DCAF6: variants seen among roughly 807,000 people sequenced by gnomAD.
DCAF6 encodes DDB1 and CUL4 associated factor 6, also known as DDB1- and CUL4-associated factor 6.
In DCAF6, 54 loss-of-function variants were observed where a neutral mutation model predicts 125.1. The observed-to-expected ratio is 0.43, with a 90% confidence interval of 0.35 to 0.54. The LOEUF (loss-of-function observed/expected upper bound fraction) is 0.54, where lower values mean the gene tolerates loss of function less well. DCAF6 is among the 20% of genes least tolerant of loss of function. DCAF6 has a pLI of 0.01. For missense variants in DCAF6, 934 were observed against 1,161.7 expected (o/e 0.80, Z 2.85); for synonymous variants, 371 against 390.4 (o/e 0.95, Z 0.58).
At chr1:167,878,311 G>C in the DCAF6 span, 17 of 936,088 alleles carry the variant, frequency 1.8e-5, no homozygotes, top group South Asian at 2.1e-4. Context: ...TTTGAAGTCT[G>C]GGCCTTGGTC....
At chr1:167,875,077 G>A in the DCAF6 span, 1 of 1,362,812 alleles carries the variant, frequency 7.3e-7, no homozygotes, top group East Asian at 2.3e-5. Context: ...GTACTTTTCT[G>A]CATGTTTTGT....
At chr1:167,953,824 C>T (rs959424658) in intron 2 of DCAF6, among the ~76,000 whole-genome samples, 1 of 152,172 alleles carries the variant, frequency 6.6e-6, no homozygotes, top group Non-Finnish European at 1.5e-5. Flanking sequence ...GTCTTGAACT[C>T]CTGGCCTCAG....
the DCAF6 span, chr1:167,901,616 A>C: frequency 6.3e-7 from 1 of 1,591,300 alleles, no homozygotes; most frequent in Non-Finnish European, 8.6e-7. Flanking sequence ...AGGAGTCAAG[A>C]CCCTATCCCA....
At chr1:167,993,037 A>T (rs1022884271) in intron 6 of DCAF6, among the ~76,000 whole-genome samples, 189 bp from the exon 7 acceptor site, 5 of 152,188 alleles carry the variant, frequency 3.3e-5, no homozygotes, top group Non-Finnish European at 7.4e-5. Context: ...TGTTACCTTT[A>T]TACCATATTC....
the DCAF6 span, among the ~76,000 whole-genome samples, chr1:167,892,652 G>A: frequency 2.7e-3 from 416 of 152,274 alleles, 1 homozygote; most frequent in Non-Finnish European, 4.7e-3. Flanking sequence ...AAGCAATGCA[G>A]GCACTAGGGG....
chr1:167,895,311 T>A, the DCAF6 span, among the ~76,000 whole-genome samples: 17,387 of 152,104 alleles, frequency 0.11, 1,163 homozygotes, highest in African/African-American at 0.18. Context: ...GTGGGTAATG[T>A]CATGAGGCTT....
the DCAF6 span, chr1:167,920,629 C>A: frequency 1.2e-6 from 2 of 1,612,092 alleles, no homozygotes; most frequent in Non-Finnish European, 1.7e-6. Context: ...CACACACCAA[C>A]CCCTACACAT....
chr1:168,046,018 A>G (rs991708899), intron 16 of DCAF6, among the ~76,000 whole-genome samples: 1 of 152,112 alleles, frequency 6.6e-6, no homozygotes, highest in Non-Finnish European at 1.5e-5. Flanking sequence ...TATATGCTCA[A>G]TATATTGCTG....
chr1:167,880,452 G>T, the DCAF6 span: 2 of 1,462,174 alleles, frequency 1.4e-6, no homozygotes, highest in Non-Finnish European at 1.9e-6. Context: ...GCCTCAAAAG[G>T]GTCAGGGACC....
chr1:167,951,436 G>A (rs948826407), intron 1 of DCAF6, among the ~76,000 whole-genome samples: 13 of 152,272 alleles, frequency 8.5e-5, no homozygotes, highest in Non-Finnish European at 1.6e-4. Flanking sequence ...TTAGCTGGGC[G>A]TGGTGCTGTG....
chr1:168,025,290 A>G (rs1686195913), intron 12 of DCAF6, among the ~76,000 whole-genome samples: 1 of 152,184 alleles, frequency 6.6e-6, no homozygotes. Context: ...CAGATTTTTT[A>G]CATCAGTGCC....
At chr1:167,888,702 T>C in the DCAF6 span, among the ~76,000 whole-genome samples, 1 of 151,758 alleles carries the variant, frequency 6.6e-6, no homozygotes, top group African/African-American at 2.4e-5. Context: ...CGGTGAAACC[T>C]CGTCTCTATT....
the DCAF6 span, among the ~76,000 whole-genome samples, chr1:167,898,098 T>C: frequency 6.7e-6 from 1 of 149,056 alleles, no homozygotes; most frequent in African/African-American, 2.5e-5. Flanking sequence ...GTGGGAAAAC[T>C]GGTGACATTC....
the DCAF6 span, among the ~76,000 whole-genome samples, chr1:167,927,900 T>C: frequency 4.4e-4 from 67 of 152,314 alleles, no homozygotes; most frequent in African/African-American, 1.5e-3. Context: ...TAATTTTAGT[T>C]TAACAACTGC....
intron 4 of DCAF6, among the ~76,000 whole-genome samples, chr1:167,976,573 T>G (rs553447053): frequency 6.6e-6 from 1 of 152,328 alleles, no homozygotes; most frequent in East Asian, 1.9e-4. Context: ...AGACATTCAT[T>G]TTTGTTATTC....
At chr1:168,007,217 GTAGTTGCTA>G (rs1269198378) in intron 10 of DCAF6, among the ~76,000 whole-genome samples, 1 of 152,280 alleles carries the variant, frequency 6.6e-6, no homozygotes, top group East Asian at 1.9e-4. Context: ...GCTAGTCAAT[GTAGTTGCTA>G]TCCCTTTCCA....
intron 17 of DCAF6, among the ~76,000 whole-genome samples, chr1:168,057,151 T>G (rs1018307428): frequency 6.6e-6 from 1 of 152,308 alleles, no homozygotes; most frequent in Middle Eastern, 3.4e-3. Context: ...ACCTATAATA[T>G]CAGTTAATTT....
the DCAF6 span, among the ~76,000 whole-genome samples, chr1:167,894,654 C>T: frequency 6.6e-6 from 1 of 151,764 alleles, no homozygotes; most frequent in Non-Finnish European, 1.5e-5. Flanking sequence ...TTGGCTGGTC[C>T]TGATTTGTAG....
the DCAF6 span, chr1:167,904,615 A>G: frequency 5.8e-6 from 3 of 517,908 alleles, no homozygotes; most frequent in Admixed American, 1.0e-4. Flanking sequence ...ACTTCTGAAG[A>G]GGTGGCAAGT....
Sources: gnomAD v4.1 joint callset for allele counts (sites outside exome capture counted in the v4.1 genomes callset) on GRCh38, gnomAD v4.1.1 for gene constraint, MANE v1.5 for transcripts, NCBI Gene and HGNC (gene_info 2026-07-23, HGNC 2026-07-21) for gene names.